Variants in OGG1 observed in about 807,000 individuals in gnomAD.
OGG1 encodes 8-oxoguanine DNA glycosylase, also known as N-glycosylase/DNA lyase.
Under a neutral mutation model 42.3 loss-of-function variants are expected in OGG1, and 35 were observed. The ratio of observed to expected loss-of-function variants is 0.83; its 90% CI spans 0.63 to 1.10. OGG1 has a LOEUF of 1.10. Among genes scored for constraint, OGG1 ranks in the 50% least tolerant of loss-of-function variants. The pLI is 0.00. For missense variants in OGG1, 484 were observed against 446.7 expected, an observed-to-expected ratio of 1.08 and a Z score of -0.75; for synonymous variants, 189 against 179.0, an observed-to-expected ratio of 1.06 and a Z score of -0.44.
downstream of OGG1, chr3:9,789,996 G>A (rs293791): frequency 2.6e-6 from 4 of 1,552,270 alleles, no homozygotes; most frequent in East Asian, 6.8e-5. Flanking sequence ...CTGAGGGGGA[G>A]AAGGGAAAAC....
chr3:9,780,527 G>T (rs755334555), intron 2 of OGG1: 5 of 1,604,580 alleles, frequency 3.1e-6, no homozygotes, highest in Middle Eastern at 1.7e-4. Context: ...AGCTCCTGCC[G>T]GCTCACCTCC....
At chr3:9,766,144 C>T in exon 8 of OGG1, 1 of 1,054,106 alleles carries the variant, frequency 9.5e-7, no homozygotes, top group Non-Finnish European at 1.4e-6. Flanking sequence ...GAGAATGAGT[C>T]TCCTGTTGAG....
intron 3 of OGG1, chr3:9,781,712 A>G (rs1334788366): frequency 2.4e-6 from 1 of 419,712 alleles, no homozygotes; most frequent in Non-Finnish European, 5.0e-6. Flanking sequence ...AGTTTTCCAG[A>G]AGGGGAAGGA....
At chr3:9,775,150 G>T (rs1275829561) in intron 2 of OGG1, among the ~76,000 whole-genome samples, 1 of 151,910 alleles carries the variant, frequency 6.6e-6, no homozygotes, top group African/African-American at 2.4e-5. Context: ...TGAGGCAGGA[G>T]AATCACTTGA....
intron 3 of OGG1, chr3:9,785,353 C>A (rs1457774524): frequency 6.2e-7 from 1 of 1,614,054 alleles, no homozygotes; most frequent in East Asian, 2.2e-5. Context: ...GAGGTGCTTG[C>A]CCCGTCAGCC....
At chr3:9,765,895 C>CG in exon 8 of OGG1, 1 of 1,614,080 alleles carries the variant, frequency 6.2e-7, no homozygotes, top group Non-Finnish European at 8.5e-7. Context: ...GCCCCCCTAT[C>CG]GGGAGAGGGG....
intron 3 of OGG1, chr3:9,786,876 G>A (rs192986290): frequency 1.9e-5 from 15 of 785,938 alleles, no homozygotes; most frequent in African/African-American, 1.2e-4. Context: ...TATTAGTCCA[G>A]GTTTTTACTT....
chr3:9,789,255 G>T (rs531033765), downstream of OGG1, among the ~76,000 whole-genome samples: 31 of 152,184 alleles, frequency 2.0e-4, no homozygotes, highest in Non-Finnish European at 3.2e-4. Flanking sequence ...GAGGGGATGG[G>T]GATAAAGGAA....
intron 3 of OGG1, among the ~76,000 whole-genome samples, chr3:9,784,980 C>A (rs746570100): frequency 1.2e-4 from 19 of 152,288 alleles, no homozygotes; most frequent in Middle Eastern, 3.4e-3. Context: ...TAATTTACAT[C>A]TTTTCATGTC....
At chr3:9,780,396 C>G in intron 2 of OGG1, 1 of 1,613,706 alleles carries the variant, frequency 6.2e-7, no homozygotes, top group Non-Finnish European at 8.5e-7. Flanking sequence ...CACGCTCCTT[C>G]AGAGTCTTCC....
downstream of OGG1, among the ~76,000 whole-genome samples, chr3:9,769,037 C>T (rs769655232): frequency 2.6e-5 from 4 of 152,060 alleles, no homozygotes; most frequent in Non-Finnish European, 5.9e-5. Context: ...AAACACCTGC[C>T]TCCCAGATCC....
chr3:9,769,021 G>A (rs558256030), downstream of OGG1, among the ~76,000 whole-genome samples: 7 of 151,922 alleles, frequency 4.6e-5, no homozygotes, highest in African/African-American at 1.7e-4. Flanking sequence ...CCACAGCCCT[G>A]AACTCAAACA....
chr3:9,780,367 A>C, intron 2 of OGG1: 1 of 1,612,306 alleles, frequency 6.2e-7, no homozygotes, highest in Non-Finnish European at 8.5e-7. Context: ...CTACCCATCC[A>C]GCAGCTTCAG....
downstream of OGG1, chr3:9,760,287 A>G (rs2077791464): frequency 4.8e-6 from 1 of 207,790 alleles, no homozygotes; most frequent in Admixed American, 5.3e-5. Context: ...GACTAATCTC[A>G]GTGCATTCAC....
chr3:9,770,989 T>C (rs958790540), downstream of OGG1, among the ~76,000 whole-genome samples: 3 of 152,022 alleles, frequency 2.0e-5, no homozygotes, highest in African/African-American at 7.2e-5. Context: ...TTTTTCTCTT[T>C]CTTTCTTTCT....
At chr3:9,755,860 T>C (rs2077525077) in intron 4 of OGG1, among the ~76,000 whole-genome samples, 1 of 152,172 alleles carries the variant, frequency 6.6e-6, no homozygotes, top group Non-Finnish European at 1.5e-5. Context: ...TAAATCTTGG[T>C]TCTGCCTATT....
At chr3:9,781,375 C>A in intron 2 of OGG1, 1 of 395,924 alleles carries the variant, frequency 2.5e-6, no homozygotes, top group South Asian at 1.8e-5. Context: ...AACAACCCTG[C>A]AAAATATGTA....
downstream of OGG1, chr3:9,759,135 T>G: frequency 7.0e-7 from 1 of 1,426,000 alleles, no homozygotes. Flanking sequence ...CTTCCCGGAA[T>G]GGCTATAGAC....
intron 2 of OGG1, among the ~76,000 whole-genome samples, chr3:9,772,141 G>T (rs1218287970): frequency 6.6e-6 from 1 of 152,144 alleles, no homozygotes; most frequent in Non-Finnish European, 1.5e-5. Flanking sequence ...TCTATGGTGT[G>T]CTTTACATTT....
Sources: gnomAD v4.1 joint callset for allele counts (sites outside exome capture counted in the v4.1 genomes callset) on GRCh38, gnomAD v4.1.1 for gene constraint, MANE v1.5 for transcripts, NCBI Gene and HGNC (gene_info 2026-07-23, HGNC 2026-07-21) for gene names.